The following FBXO9 variants were observed in gnomAD, a reference collection of about 807,000 sequenced individuals.
FBXO9 encodes the protein F-box only protein 9.
Under a neutral mutation model 63.7 loss-of-function variants are expected in FBXO9, and 43 were observed. The ratio of observed to expected loss-of-function variants is 0.67; its 90% confidence interval spans 0.53 to 0.87. The LOEUF (loss-of-function observed/expected upper bound fraction) is 0.87. Ranked by LOEUF, FBXO9 falls within the 40% of genes least tolerant of loss-of-function variation. The pLI is 0.00. For synonymous variants in FBXO9, 156 were observed against 171.7 expected (o/e 0.91, Z 0.72); for missense variants, 442 against 533.2 (o/e 0.83, Z 1.68).
chr6:53,095,131 G>A (rs1684713176), intron 11 of FBXO9, among the ~76,000 whole-genome samples: 1 of 152,116 alleles, frequency 6.6e-6, no homozygotes. Context: ...AAATGTCCAA[G>A]TGTTTTCCAG....
At chr6:53,074,920 G>T (rs1270997407) in intron 3 of FBXO9, among the ~76,000 whole-genome samples, 1 of 152,210 alleles carries the variant, frequency 6.6e-6, no homozygotes, top group African/African-American at 2.4e-5. Flanking sequence ...GGAAATATGT[G>T]TGTAGGTTTT....
At chr6:53,095,409 A>C in intron 11 of FBXO9, 104 bp from the exon 12 acceptor site, 1 of 1,083,462 alleles carries the variant, frequency 9.2e-7, no homozygotes, top group Non-Finnish European at 1.3e-6. Flanking sequence ...TCTTTACTGC[A>C]TGCAAATATT....
chr6:53,078,709 A>C, intron 4 of FBXO9, 90 bp from the exon 5 acceptor site: 1 of 929,106 alleles, frequency 1.1e-6, no homozygotes, highest in East Asian at 2.5e-5. Flanking sequence ...TTGTAAAGAA[A>C]GTTACCAAAT....
At chr6:53,066,287 C>T in intron 1 of FBXO9, 1 of 285,142 alleles carries the variant, frequency 3.5e-6, no homozygotes, top group Non-Finnish European at 5.3e-6. Context: ...TAGGACGCAT[C>T]TGCCCCGCGA....
At position 53,065,990 on chromosome 6, in the gene FBXO9, A is replaced by T. The variant is rs183032380; in HGVS notation, c.3+198A>T. ...GTGCCAACCCTGGCTTCTCCCCAGG[A>T]TTCCTTCCTGCTGAGCCTCCCCAAC... On this transcript the variant is annotated intron_variant, in intron 1 of 12. Coordinates refer to ENST00000323557, the MANE Select transcript of FBXO9 (RefSeq NM_033480.3). The T allele has an allele frequency of 7.1e-4, 842 of 1,185,068 alleles. 17 individuals carry two copies. In the East Asian group the frequency reaches 0.025, roughly 36 times the overall value. 73.4% of individuals were successfully genotyped at this position (1,185,068 alleles called of 1,614,324 possible).
rs1763277305 is a variant in FBXO9 at position 53,098,442 on chromosome 6, T to G, written c.*612T>G. The G allele has an allele frequency of 6.4e-6, 1 of 155,230 alleles. No individual in the cohort carries two copies. Among genetic ancestry groups the G allele is most frequent in the African/African-American group, 2.4e-5 (1 of 41,440 alleles). 9.6% of individuals were successfully genotyped at this position (155,230 alleles called of 1,614,324 possible). On this transcript the variant is annotated 3_prime_UTR_variant, in exon 13 of 13. Coordinates refer to ENST00000323557, the MANE Select transcript of FBXO9 (RefSeq NM_033480.3). ...AGTCCTAGATAGCCAGCGGAGACTT[T>G]AAGAATCATTGCCTCTAGCTGGGTG...
intron 3 of FBXO9, 140 bp from the exon 4 acceptor site, chr6:53,076,346 A>G (rs1769107605): frequency 1.7e-6 from 1 of 597,874 alleles, no homozygotes; most frequent in Non-Finnish European, 2.9e-6. Context: ...TATGTAAAGT[A>G]TGAGGTTTAG....
chr6:53,065,922 T>C (rs538735925), intron 1 of FBXO9, 130 bp downstream of exon 1: 38 of 1,187,482 alleles, frequency 3.2e-5, no homozygotes, highest in Non-Finnish European at 3.9e-5. Context: ...TGCCACCCGT[T>C]AGAGGGCCCT....
chr6:53,079,041 T>G, intron 5 of FBXO9, 143 bp downstream of exon 5: 1 of 422,104 alleles, frequency 2.4e-6, no homozygotes, highest in Non-Finnish European at 4.0e-6. Flanking sequence ...GTAGAAATTT[T>G]TTAATTAGGG....
chr6:53,088,081 C>T (rs575835785), intron 7 of FBXO9, among the ~76,000 whole-genome samples: 1 of 152,224 alleles, frequency 6.6e-6, no homozygotes, highest in Non-Finnish European at 1.5e-5. Flanking sequence ...TTCTCTTTTT[C>T]ATCTTTTTTT....
At chr6:53,066,071 C>T (rs1236308962) in intron 1 of FBXO9, 7 of 1,214,466 alleles carry the variant, frequency 5.8e-6, no homozygotes, top group South Asian at 4.2e-5. Context: ...GGAAAATGTC[C>T]CTTCTCGGCT....
intron 7 of FBXO9, among the ~76,000 whole-genome samples, chr6:53,087,139 C>T (rs941337474): frequency 1.3e-5 from 2 of 151,830 alleles, no homozygotes; most frequent in Non-Finnish European, 1.5e-5. Context: ...CCCAGGAGTT[C>T]GAGACCAGCC....
chr6:53,071,467 T>C (rs758844423), intron 2 of FBXO9, among the ~76,000 whole-genome samples: 2 of 152,124 alleles, frequency 1.3e-5, no homozygotes, highest in Non-Finnish European at 2.9e-5. Context: ...GCATCATAAA[T>C]AAAGTTAAGA....
At chr6:53,071,470 A>C (rs1368817410) in intron 2 of FBXO9, among the ~76,000 whole-genome samples, 1 of 152,222 alleles carries the variant, frequency 6.6e-6, no homozygotes, top group Non-Finnish European at 1.5e-5. Flanking sequence ...TCATAAATAA[A>C]GTTAAGAGAA....
intron 6 of FBXO9, among the ~76,000 whole-genome samples, chr6:53,081,478 G>A (rs1182386665): frequency 6.6e-6 from 1 of 152,100 alleles, no homozygotes; most frequent in Non-Finnish European, 1.5e-5. Flanking sequence ...TCACCATGTT[G>A]GCCAGGCTGG....
chr6:53,073,780 A>G (rs1769003749), intron 3 of FBXO9, 141 bp downstream of exon 3: 3 of 660,670 alleles, frequency 4.5e-6, no homozygotes, highest in Non-Finnish European at 7.4e-6. Flanking sequence ...TTTGACTAGT[A>G]TACTAGTTTA....
chr6:53,077,468 G>A (rs1438269188), intron 4 of FBXO9, among the ~76,000 whole-genome samples: 5 of 73,680 alleles, frequency 6.8e-5, no homozygotes, highest in Middle Eastern at 0.016. Context: ...GCGAGACTCC[G>A]TCTCAAAAAA....
chr6:53,074,017 A>T (rs1581809364), intron 3 of FBXO9, among the ~76,000 whole-genome samples: 1 of 152,378 alleles, frequency 6.6e-6, no homozygotes, highest in East Asian at 1.9e-4. Context: ...GATTGCTCAC[A>T]TGTTAATGTC....
intron 7 of FBXO9, among the ~76,000 whole-genome samples, chr6:53,088,974 T>G (rs1250831945): frequency 6.7e-6 from 1 of 150,036 alleles, no homozygotes; most frequent in African/African-American, 2.5e-5. Context: ...CAGGCTGGAG[T>G]GCAGTGGCGC....
Sources: gnomAD v4.1 joint callset for allele counts (sites outside exome capture counted in the v4.1 genomes callset) on GRCh38, gnomAD v4.1.1 for gene constraint, MANE v1.5 for transcripts, NCBI Gene and HGNC (gene_info 2026-07-23, HGNC 2026-07-21) for gene names.